Variants in PAH observed in about 807,000 individuals in gnomAD.
PAH encodes the protein phenylalanine hydroxylase.
A neutral mutation model predicts 62.0 loss-of-function variants in PAH; 64 were observed. The ratio of observed to expected loss-of-function variants is 1.03; its 90% CI spans 0.84 to 1.27. PAH has a LOEUF of 1.27. PAH is among the 50% of genes most tolerant of loss of function. PAH has a pLI of 0.00. For missense variants in PAH, 579 were observed against 542.8 expected (o/e 1.07, Z -0.66); for synonymous variants, 195 against 196.2 (o/e 0.99, Z 0.05).
At chr12:102,856,759 T>A (rs1212759067) in intron 5 of PAH, among the ~76,000 whole-genome samples, 1 of 152,218 alleles carries the variant, frequency 6.6e-6, no homozygotes, top group Admixed American at 6.5e-5. Flanking sequence ...CCAACAGATC[T>A]GCAGCTGAGG....
At chr12:102,883,140 C>T (rs979684308) in intron 3 of PAH, among the ~76,000 whole-genome samples, 2 of 152,166 alleles carry the variant, frequency 1.3e-5, no homozygotes, top group Non-Finnish European at 1.5e-5. Context: ...GTTTCATATT[C>T]AGAGACCTGT....
chr12:102,935,687 C>CTAAGGTGAAAG (rs75486218), intron 1 of PAH, among the ~76,000 whole-genome samples: 9,361 of 152,046 alleles, frequency 0.062, 334 homozygotes, highest in Admixed American at 0.1. Flanking sequence ...TGTACAGTTG[C>CTAAGGTGAAAG]TCATTGTAGC....
At chr12:102,944,839 G>A (rs574564509) in intron 1 of PAH, among the ~76,000 whole-genome samples, 1 of 152,306 alleles carries the variant, frequency 6.6e-6, no homozygotes, top group East Asian at 1.9e-4. Flanking sequence ...TCTGGGCATT[G>A]AAGAGTTAGT....
chr12:102,913,238 A>G (rs534394491), intron 1 of PAH, among the ~76,000 whole-genome samples: 3 of 152,330 alleles, frequency 2.0e-5, no homozygotes, highest in Non-Finnish European at 4.4e-5. Flanking sequence ...AAGATGAATA[A>G]GACAATGCTT....
upstream of PAH, among the ~76,000 whole-genome samples, chr12:102,952,473 G>C (rs924587242): frequency 2.0e-5 from 3 of 152,146 alleles, no homozygotes; most frequent in African/African-American, 7.2e-5. Context: ...CTGGCCTACT[G>C]TAACAAAATA....
At chr12:102,937,262 A>G (rs1879135032) in intron 1 of PAH, among the ~76,000 whole-genome samples, 1 of 152,178 alleles carries the variant, frequency 6.6e-6, no homozygotes, top group Admixed American at 6.5e-5. Context: ...CAATGCTATT[A>G]TTAAGTAAGG....
intron 1 of PAH, among the ~76,000 whole-genome samples, chr12:102,943,102 A>G (rs565484233): frequency 6.6e-6 from 1 of 152,292 alleles, no homozygotes; most frequent in Non-Finnish European, 1.5e-5. Context: ...GAGCTTCAGC[A>G]CAGCAAAATA....
At chr12:102,900,538 C>T (rs1315290527) in intron 2 of PAH, among the ~76,000 whole-genome samples, 2 of 151,992 alleles carry the variant, frequency 1.3e-5, no homozygotes, top group East Asian at 1.9e-4. Flanking sequence ...TGGCAAAAGT[C>T]TTATATGAGT....
At position 102,840,600 on chromosome 12, in the gene PAH, T is replaced by C. The variant is rs374828190; in HGVS notation, c.1200-85A>G. ...AGAGTTCTCAGTGGCATTTTACTTC[T>C]TTTTTAGGAACACGGACACCTCCCT... On this transcript the variant is annotated intron_variant, in intron 11 of 12. Transcript: ENST00000553106. The C allele has an allele frequency of 4.3e-4, 403 of 940,358 alleles. 3 individuals are homozygous for C. The African/African-American group carries it at 5.1e-3, about 12-fold the overall frequency. 58.3% of individuals were successfully genotyped at this position (940,358 alleles called of 1,614,324 possible). A position where few individuals can be genotyped will look rare whatever the true frequency, so the allele number is the denominator to read the frequency against.
chr12:102,860,917 G>A (rs1875685727), intron 5 of PAH, among the ~76,000 whole-genome samples: 1 of 152,316 alleles, frequency 6.6e-6, no homozygotes, highest in East Asian at 1.9e-4. Context: ...TCAGGACATA[G>A]GCATGGGCAA....
At chr12:102,907,733 C>T (rs117903008) in intron 2 of PAH, among the ~76,000 whole-genome samples, 15,954 of 152,062 alleles carry the variant, frequency 0.1, 992 homozygotes, top group Non-Finnish European at 0.14. Context: ...ATTCTCATGC[C>T]TCAGCCACCT....
intron 4 of PAH, among the ~76,000 whole-genome samples, chr12:102,867,121 T>C (rs779770391): frequency 2.6e-5 from 4 of 152,244 alleles, no homozygotes; most frequent in Non-Finnish European, 4.4e-5. Flanking sequence ...ATTAAATACA[T>C]ACTATGTGCC....
At position 102,889,830 on chromosome 12, in the gene PAH, C is replaced by T. The variant is rs1646271391; in HGVS notation, c.352+4905G>A. Among the ~76,000 whole-genome samples the T allele has an allele frequency of 1.3e-5, 2 of 152,170 alleles. 1 individual carries two copies. Among genetic ancestry groups the T allele is most frequent in the South Asian group, 4.1e-4 (2 of 4,824 alleles). On this transcript the variant is annotated intron_variant, in intron 3 of 12. Coordinates refer to ENST00000553106, the MANE Select transcript of PAH (RefSeq NM_000277.3). ...CCACGTAGGAATTTTCTAGCCCCCACTAAATGTAATGTCATGCAGTCGACT... is the reference window on the plus strand; with the variant it reads ...CCACGTAGGAATTTTCTAGCCCCCATTAAATGTAATGTCATGCAGTCGACT...
intron 5 of PAH, among the ~76,000 whole-genome samples, chr12:102,858,970 GATCAGAGCAGA>G (rs1432456462): frequency 1.3e-5 from 2 of 152,026 alleles, no homozygotes; most frequent in Non-Finnish European, 2.9e-5. Context: ...AAATAACTGA[GATCAGAGCAGA>G]ACTGAAGGAG....
chr12:102,845,947 AT>A (rs1407465149), intron 9 of PAH, among the ~76,000 whole-genome samples: 1 of 152,072 alleles, frequency 6.6e-6, no homozygotes, highest in African/African-American at 2.4e-5. Context: ...TTCCAAGTTT[AT>A]TTTCTTTGTA....
At chr12:102,865,955 C>G (rs1875938039) in intron 5 of PAH, among the ~76,000 whole-genome samples, 1 of 152,164 alleles carries the variant, frequency 6.6e-6, no homozygotes, top group South Asian at 2.1e-4. Context: ...ACTAAGTTTC[C>G]CATGGTGGCA....
chr12:102,953,724 A>C (rs1593009806), upstream of PAH: 3 of 152,340 alleles, frequency 2.0e-5, no homozygotes, highest in South Asian at 6.2e-4. Context: ...GGAGAAAGAG[A>C]AGCCTTCTTA....
chr12:102,949,867 A>C (rs1211554780), intron 1 of PAH, among the ~76,000 whole-genome samples: 2 of 152,150 alleles, frequency 1.3e-5, no homozygotes, highest in Non-Finnish European at 2.9e-5. Flanking sequence ...GGACTTTCTT[A>C]TACATCTGCT....
At chr12:102,916,042 A>G (rs1272296120) in intron 1 of PAH, among the ~76,000 whole-genome samples, 1 of 152,162 alleles carries the variant, frequency 6.6e-6, no homozygotes, top group Non-Finnish European at 1.5e-5. Flanking sequence ...AACTATGTGC[A>G]GGATGGAGCC....
Sources: gnomAD v4.1 joint callset for allele counts (sites outside exome capture counted in the v4.1 genomes callset) on GRCh38, gnomAD v4.1.1 for gene constraint, MANE v1.5 for transcripts, NCBI Gene and HGNC (gene_info 2026-07-23, HGNC 2026-07-21) for gene names.